The following PPP2R5B variants were observed in gnomAD, a reference collection of about 807,000 sequenced individuals.
PPP2R5B encodes protein phosphatase 2 regulatory subunit B'beta, also known as serine/threonine-protein phosphatase 2A 56 kDa regulatory subunit beta isoform.
In PPP2R5B, 19 loss-of-function variants were observed where a neutral mutation model predicts 59.9. The ratio of observed to expected loss-of-function variants is 0.32; its 90% CI spans 0.22 to 0.47. PPP2R5B has a LOEUF of 0.47. PPP2R5B is among the 20% of genes least tolerant of loss of function. The pLI is 1.00. For missense variants in PPP2R5B, 441 were observed against 640.2 expected (o/e 0.69, Z 3.36); for synonymous variants, 286 against 260.5 (o/e 1.10, Z -0.94).
At chr11:64,927,997 G>T (rs1945186840) in intron 4 of PPP2R5B, 69 bp from the exon 5 acceptor site, 3 of 1,573,384 alleles carry the variant, frequency 1.9e-6, no homozygotes, top group Non-Finnish European at 2.6e-6. Context: ...GTTGGATGAG[G>T]GCCATAGGGT....
intron 3 of PPP2R5B, 121 bp downstream of exon 3, chr11:64,927,029 G>A (rs1039015415): frequency 3.2e-6 from 4 of 1,236,480 alleles, no homozygotes; most frequent in Non-Finnish European, 4.4e-6. Flanking sequence ...CTCAGTCCAC[G>A]TCTTCCTTCC....
intron 6 of PPP2R5B, 64 bp downstream of exon 6, chr11:64,928,489 G>A (rs1420616528): frequency 7.5e-6 from 12 of 1,607,526 alleles, no homozygotes; most frequent in South Asian, 2.2e-5. Context: ...AGAAGACTGC[G>A]GCAAAGGCCA....
rs1336337752 is a variant in PPP2R5B, at chr11:64,925,304, G to A, written c.-264-167G>A. On this transcript the variant is annotated intron_variant, in intron 1 of 13. Coordinates refer to ENST00000164133, the MANE Select transcript of PPP2R5B (RefSeq NM_006244.4). This position sits in a 1 kb window ranked among gnomAD's most constrained non-coding sequence, Gnocchi z 4.6. ...GGCTTTCTGTCTGAGAGAAGGGAGGGACATGTCCAGGATGGGAGGGGGCTG... is the reference window on the plus strand; with the variant it reads ...GGCTTTCTGTCTGAGAGAAGGGAGGAACATGTCCAGGATGGGAGGGGGCTG... Among the ~76,000 whole-genome samples the A allele has an allele frequency of 6.6e-6, 1 of 152,046 alleles. No individual in the cohort carries two copies. The highest frequency in any genetic ancestry group is 1.9e-4 in the East Asian group (1 of 5,184).
At chr11:64,926,944 G>A (rs766079393) in intron 3 of PPP2R5B, 36 bp downstream of exon 3, 18 of 1,598,736 alleles carry the variant, frequency 1.1e-5, no homozygotes, top group African/African-American at 1.3e-5. Flanking sequence ...AGGGCCGGCC[G>A]AGAGGGCGTG....
chr11:64,920,943 CTA>C (rs59230229), upstream of PPP2R5B, among the ~76,000 whole-genome samples: 6 of 134,952 alleles, frequency 4.4e-5, no homozygotes, highest in African/African-American at 1.6e-4. Flanking sequence ...TCCAGCAGTT[CTA>C]TATATATATA....
At chr11:64,927,932 C>G in intron 4 of PPP2R5B, 29 bp downstream of exon 4, 1 of 1,576,934 alleles carries the variant, frequency 6.3e-7, no homozygotes, top group Non-Finnish European at 8.7e-7. Flanking sequence ...GACAGAGATC[C>G]AAGTTTCAGA....
chr11:64,921,858 CTTTT>C (rs577109847), upstream of PPP2R5B, among the ~76,000 whole-genome samples: 4 of 152,082 alleles, frequency 2.6e-5, no homozygotes, highest in African/African-American at 9.7e-5. Flanking sequence ...AAATTGGTGA[CTTTT>C]TTTTGTTTTG....
In PPP2R5B at chr11:64,924,731, G is replaced by C. The variant is rs1945140188; in HGVS notation, c.-562G>C. ...CTGGGCGGCGGGTGCCGGTGCGCACGGAGCCGAGCCGGGGCTCCCGTTGCG... is the reference window on the plus strand; with the variant it reads ...CTGGGCGGCGGGTGCCGGTGCGCACCGAGCCGAGCCGGGGCTCCCGTTGCG... On this transcript the variant is annotated 5_prime_UTR_variant, in exon 1 of 14. Coordinates refer to ENST00000164133, the MANE Select transcript of PPP2R5B (RefSeq NM_006244.4). 1 of 152,268 alleles carries C rather than the reference G, an allele frequency of 6.6e-6. No homozygotes were observed. Among genetic ancestry groups the C allele is most frequent in the South Asian group, 2.1e-4 (1 of 4,838 alleles). 9.4% of individuals were successfully genotyped at this position (152,268 alleles called of 1,614,324 possible). A position where few individuals can be genotyped will look rare whatever the true frequency, so the allele number is the denominator to read the frequency against.
chr11:64,932,405 G>T (rs1353406645), intron 11 of PPP2R5B, among the ~76,000 whole-genome samples: 1 of 152,150 alleles, frequency 6.6e-6, no homozygotes, highest in Non-Finnish European at 1.5e-5. Context: ...TGGCACTTCG[G>T]TTCATTAAAC....
Position 64,925,632 on chromosome 11 carries a change from G to T in PPP2R5B, c.-103G>T. The T allele has an allele frequency of 4.9e-6, 2 of 409,338 alleles. No individual in the cohort carries two copies. The highest frequency in any genetic ancestry group is 8.5e-6 in the Non-Finnish European group (2 of 234,048). The allele number at this position is 409,338 out of a possible 1,614,324, so 25.4% of individuals were successfully genotyped here. On this transcript the variant is annotated 5_prime_UTR_variant, in exon 2 of 14. Coordinates refer to ENST00000164133, the MANE Select transcript of PPP2R5B (RefSeq NM_006244.4). This position sits in a 1 kb window ranked among gnomAD's most constrained non-coding sequence, Gnocchi z 4.6. Reference sequence around the variant, plus strand: ...TGGTTGTGCCCCCCCCCCAAAGGCCGGACAGGATGGGACCAAGTTAGTCTG... The same window carrying T: ...TGGTTGTGCCCCCCCCCCAAAGGCCTGACAGGATGGGACCAAGTTAGTCTG...
upstream of PPP2R5B, chr11:64,923,227 C>G (rs1293633583): frequency 6.6e-6 from 1 of 152,486 alleles, no homozygotes; most frequent in African/African-American, 2.4e-5. Context: ...CTGTAGCCAG[C>G]TGGGAGGTGG....
rs543452457 is a variant in PPP2R5B at position 64,933,262 on chromosome 11, T to C, written c.1346+16T>C. ...AAAAGCAGCAGTGAGTGTTGGGGGC[T>C]GGGCGTGGGGGAAGGGAGAAGAGCA... On this transcript the variant is annotated intron_variant, in intron 13 of 13. Coordinates refer to ENST00000164133, the MANE Select transcript of PPP2R5B (RefSeq NM_006244.4). 177 of 1,580,540 alleles carry C rather than the reference T, an allele frequency of 1.1e-4. No individual in the cohort carries two copies. The East Asian group carries it at 3.7e-3, about 33-fold the overall frequency.
intron 3 of PPP2R5B, 44 bp downstream of exon 3, chr11:64,926,952 G>A (rs541717658): frequency 2.8e-5 from 45 of 1,591,072 alleles, no homozygotes; most frequent in Middle Eastern, 3.9e-4. Flanking sequence ...CCGAGAGGGC[G>A]TGTGAGCCCC....
upstream of PPP2R5B, among the ~76,000 whole-genome samples, chr11:64,919,985 C>T (rs1212213102): frequency 3.9e-5 from 6 of 151,960 alleles, no homozygotes; most frequent in African/African-American, 7.3e-5. Context: ...GTGGCTTACA[C>T]GTGTAATCCC....
intron 1 of PPP2R5B, among the ~76,000 whole-genome samples, chr11:64,918,889 A>T (rs1463117275): frequency 6.6e-6 from 1 of 152,206 alleles, no homozygotes; most frequent in Non-Finnish European, 1.5e-5. Context: ...CCGGGCAGGG[A>T]CCTGTATTCC....
Position 64,933,961 on chromosome 11 carries a change from GA to G in PPP2R5B, c.*118del. On this transcript the variant is annotated 3_prime_UTR_variant, in exon 14 of 14. Coordinates refer to ENST00000164133, the MANE Select transcript of PPP2R5B (RefSeq NM_006244.4). ...CCCTGGCCTTGCCAGAGTGGCTTCTGAGGACTCCCTGCCCAGCCCAGCTTTC... is the reference window on the plus strand; with the variant it reads ...CCCTGGCCTTGCCAGAGTGGCTTCTGGGACTCCCTGCCCAGCCCAGCTTTC... The G allele has an allele frequency of 1.3e-5, 16 of 1,277,380 alleles. No homozygotes were observed. Among genetic ancestry groups the G allele is most frequent in the Non-Finnish European group, 1.5e-5 (15 of 970,260 alleles). The allele number at this position is 1,277,380 out of a possible 1,614,324, so 79.1% of individuals were successfully genotyped here.
chr11:64,927,911 G>A lies in PPP2R5B; in HGVS notation c.498+8G>A, dbSNP rs775699117. ...TCGTGGCCACACCTGCAGGTCTGAA[G>A]GGTTGGGGAAGACAGAGATCCAAGT... On this transcript the variant is annotated splice_region_variant and intron_variant, in intron 4 of 13. Coordinates refer to ENST00000164133, the MANE Select transcript of PPP2R5B (RefSeq NM_006244.4). 2.5e-5 allele frequency: 40 copies of A among 1,592,166 alleles called. No homozygotes were observed. The Admixed American group carries it at 6.5e-4, about 26-fold the overall frequency.
At chr11:64,919,718 TA>T (rs565047566), upstream of PPP2R5B, among the ~76,000 whole-genome samples, 9 of 147,498 alleles carry the variant, frequency 6.1e-5, no homozygotes, top group South Asian at 2.2e-4. Flanking sequence ...AGATCTTGTC[TA>T]AAAAAAAAAT....
At chr11:64,921,582 G>A (rs149881896), upstream of PPP2R5B, among the ~76,000 whole-genome samples, 79 of 152,322 alleles carry the variant, frequency 5.2e-4, no homozygotes, top group Middle Eastern at 3.4e-3. Context: ...TTTTGACTCT[G>A]TCCTGGGTGG....
Sources: allele counts gnomAD v4.1 joint callset (sites outside exome capture counted in the v4.1 genomes callset), GRCh38; gene constraint gnomAD v4.1.1; non-coding constraint Gnocchi (gnomAD v3.1); transcripts MANE v1.5; gene names NCBI Gene and HGNC (gene_info 2026-07-23, HGNC 2026-07-21).